FOXP2: variants seen among roughly 807,000 people sequenced by gnomAD.
FOXP2 encodes the protein forkhead box P2.
A neutral mutation model predicts 115.8 loss-of-function variants in FOXP2; 12 were observed. The ratio of observed to expected loss-of-function variants is 0.10; its 90% CI spans 0.07 to 0.17. FOXP2 has a LOEUF of 0.17. Among genes scored for constraint, FOXP2 ranks in the 10% least tolerant of loss-of-function variants. The probability of loss-of-function intolerance (pLI) is 1.00; values close to 1 mark genes in which losing one functional copy is unlikely to be tolerated. For missense variants in FOXP2, 629 were observed against 843.5 expected, an observed-to-expected ratio of 0.75 and a Z score of 3.15; for synonymous variants, 328 against 297.7, an observed-to-expected ratio of 1.10 and a Z score of -1.05.
At chr7:114,361,032 A>C (rs1023084563) in intron 2 of FOXP2, among the ~76,000 whole-genome samples, 7 of 152,158 alleles carry the variant, frequency 4.6e-5, no homozygotes, top group Admixed American at 4.6e-4. Context: ...ATAGGACACC[A>C]TCATTGCCAA....
At chr7:114,444,273 C>T (rs779399994) in intron 2 of FOXP2, among the ~76,000 whole-genome samples, 29 of 152,052 alleles carry the variant, frequency 1.9e-4, no homozygotes, top group Non-Finnish European at 4.3e-4. Flanking sequence ...TGAAATCTCA[C>T]CAAGACACAG....
intron 1 of FOXP2, among the ~76,000 whole-genome samples, chr7:114,252,740 C>T (rs1349508948): frequency 6.6e-6 from 1 of 151,994 alleles, no homozygotes; most frequent in African/African-American, 2.4e-5. Flanking sequence ...TTTCAAAAAA[C>T]CAGCTCCTGC....
At chr7:114,631,206 G>A (rs986742575) in intron 5 of FOXP2, among the ~76,000 whole-genome samples, 10 of 151,240 alleles carry the variant, frequency 6.6e-5, no homozygotes, top group Non-Finnish European at 1.5e-4. Flanking sequence ...TTTCTGTAAA[G>A]TAGTGTTCTT....
At chr7:114,263,970 T>C (rs1267888965) in intron 1 of FOXP2, among the ~76,000 whole-genome samples, 2 of 152,062 alleles carry the variant, frequency 1.3e-5, no homozygotes. Context: ...ATCTTTAGCT[T>C]GGCCTTCAGG....
chr7:114,246,875 A>G (rs1336741645), intron 1 of FOXP2, among the ~76,000 whole-genome samples: 2 of 152,100 alleles, frequency 1.3e-5, no homozygotes, highest in Non-Finnish European at 2.9e-5. Context: ...TGTTAACTAC[A>G]CTTTCATTAA....
At chr7:114,490,970 G>C (rs1425956500) in intron 2 of FOXP2, among the ~76,000 whole-genome samples, 1 of 152,142 alleles carries the variant, frequency 6.6e-6, no homozygotes, top group East Asian at 1.9e-4. Flanking sequence ...AAACATACGT[G>C]TGCATGTGTC....
chr7:114,555,614 T>G (rs1353462086), intron 3 of FOXP2, among the ~76,000 whole-genome samples: 1 of 151,934 alleles, frequency 6.6e-6, no homozygotes, highest in African/African-American at 2.4e-5. Flanking sequence ...CTGACCAACA[T>G]GGTGAAACCC....
At position 114,691,717 on chromosome 7, in the gene FOXP2, C is replaced by G. The variant is rs1808675103; in HGVS notation, c.*1791C>G. 1 of 453,974 alleles carries G rather than the reference C, an allele frequency of 2.2e-6. No homozygotes were observed. The highest frequency in any genetic ancestry group is 1.6e-5 in the South Asian group (1 of 64,458). 28.1% of individuals were successfully genotyped at this position (453,974 alleles called of 1,614,324 possible). ...GTTATTGCTTTACAAACAGTTTTGA[C>G]AGAAGGTGGCTGCTAGAGCTTAACA... On this transcript the variant is annotated 3_prime_UTR_variant, in exon 17 of 17. Coordinates refer to ENST00000350908, the MANE Select transcript of FOXP2 (RefSeq NM_014491.4).
At chr7:114,420,985 A>G (rs994453327) in intron 1 of FOXP2, among the ~76,000 whole-genome samples, 8 of 151,716 alleles carry the variant, frequency 5.3e-5, no homozygotes, top group Non-Finnish European at 8.9e-5. Flanking sequence ...GTGAAAATAT[A>G]ATTTTGAAAT....
At chr7:114,637,531 T>A (rs913870625) in intron 6 of FOXP2, among the ~76,000 whole-genome samples, 1 of 152,158 alleles carries the variant, frequency 6.6e-6, no homozygotes, top group African/African-American at 2.4e-5. Flanking sequence ...ATTTTAAAAC[T>A]CTTTCAAGTA....
chr7:114,503,598 T>C (rs973004788), intron 2 of FOXP2, among the ~76,000 whole-genome samples: 2 of 150,830 alleles, frequency 1.3e-5, no homozygotes, highest in African/African-American at 2.4e-5. Flanking sequence ...ATTTATTTTG[T>C]TGGAATTATT....
intron 1 of FOXP2, among the ~76,000 whole-genome samples, chr7:114,258,742 G>GA (rs1795678480): frequency 6.6e-6 from 1 of 152,122 alleles, no homozygotes; most frequent in Non-Finnish European, 1.5e-5. Flanking sequence ...TGAATGCAGA[G>GA]AACTTCTCTG....
At chr7:114,242,875 T>A (rs1363803720) in intron 1 of FOXP2, among the ~76,000 whole-genome samples, 1 of 152,132 alleles carries the variant, frequency 6.6e-6, no homozygotes, top group Non-Finnish European at 1.5e-5. Context: ...TCCTGCCTAA[T>A]GCAGTTGAGC....
At chr7:114,133,083 T>C (rs1791935343) in intron 1 of FOXP2, among the ~76,000 whole-genome samples, 1 of 152,156 alleles carries the variant, frequency 6.6e-6, no homozygotes, top group African/African-American at 2.4e-5. Context: ...AGAGTAGTAA[T>C]AGTAATGAAG....
chr7:114,632,034 C>T (rs1014909126), intron 6 of FOXP2, among the ~76,000 whole-genome samples: 4 of 152,108 alleles, frequency 2.6e-5, no homozygotes, highest in African/African-American at 4.8e-5. Flanking sequence ...ATTGGATTAC[C>T]GGGAAGGCTG....
chr7:114,314,233 G>A (rs1390800278), intron 2 of FOXP2, among the ~76,000 whole-genome samples: 1 of 149,230 alleles, frequency 6.7e-6, no homozygotes, highest in Non-Finnish European at 1.5e-5. Flanking sequence ...TATATAATAT[G>A]ATAATTTATA....
At chr7:114,174,717 C>A (rs1472343240) in intron 1 of FOXP2, among the ~76,000 whole-genome samples, 1 of 151,960 alleles carries the variant, frequency 6.6e-6, no homozygotes, top group Non-Finnish European at 1.5e-5. Context: ...TTGAATCTTT[C>A]TTAAAAATTG....
upstream of FOXP2, chr7:114,086,611 G>A (rs1562959345): frequency 2.5e-6 from 1 of 405,120 alleles, no homozygotes; most frequent in Non-Finnish European, 4.9e-6. Context: ...CCCCGGTCGC[G>A]GTAAGTTTCT....
chr7:114,509,563 G>A (rs144711250), intron 2 of FOXP2, among the ~76,000 whole-genome samples: 87 of 151,754 alleles, frequency 5.7e-4, no homozygotes, highest in African/African-American at 1.4e-3. Flanking sequence ...TGAGTATGTC[G>A]GAGATAAAGA....
Sources: allele counts gnomAD v4.1 joint callset (sites outside exome capture counted in the v4.1 genomes callset), GRCh38; gene constraint gnomAD v4.1.1; transcripts MANE v1.5; gene names NCBI Gene and HGNC (gene_info 2026-07-23, HGNC 2026-07-21).